Variants in RELA observed in about 807,000 individuals in gnomAD.
The protein encoded by RELA is transcription factor p65.
In RELA, 14 loss-of-function variants were observed where a neutral mutation model predicts 56.7. That is an observed-to-expected ratio of 0.25 (90% CI 0.16 to 0.39). The LOEUF is 0.39. Among genes scored for constraint, RELA ranks in the 10% least tolerant of loss-of-function variants. The pLI, the probability that RELA is intolerant of heterozygous loss-of-function variation, is 1.00. For synonymous variants in RELA, 315 were observed against 289.7 expected (o/e 1.09, Z -0.89); for missense variants, 559 against 736.4 (o/e 0.76, Z 2.79).
At chr11:65,663,571 G>A (rs1856626442), upstream of RELA, among the ~76,000 whole-genome samples, 2 of 152,204 alleles carry the variant, frequency 1.3e-5, no homozygotes, top group Non-Finnish European at 2.9e-5. Flanking sequence ...CAGCTAAAGC[G>A]CCAGCTTACG....
intron 10 of RELA, 41 bp from the exon 11 acceptor site, chr11:65,655,041 C>CT: frequency 6.7e-7 from 1 of 1,503,520 alleles, no homozygotes; most frequent in Non-Finnish European, 9.1e-7. Flanking sequence ...AGAGAAAGCC[C>CT]TAGAGATCCA....
At chr11:65,655,242 G>C in intron 10 of RELA, 1 of 580,672 alleles carries the variant, frequency 1.7e-6, no homozygotes, top group Non-Finnish European at 3.0e-6. Context: ...CAGCCTTTTA[G>C]AGGAAGGGAC....
rs1164305465 is a variant in RELA, at chr11:65,658,369, A to G, written c.795T>C (p.Pro265=). The G allele has an allele frequency of 1.2e-6, 2 of 1,613,822 alleles. No individual in the cohort carries two copies. Among genetic ancestry groups the G allele is most frequent in the Admixed American group, 1.7e-5 (1 of 59,986 alleles). Residue 265 remains proline, a synonymous_variant, in exon 8 of 11, where the codon CCT becomes CCC. Coordinates refer to ENST00000406246, the MANE Select transcript of RELA (RefSeq NM_021975.4). This position sits in a 1 kb window ranked among gnomAD's most constrained non-coding sequence, Gnocchi z 4.5. ...GCCGCAGCTGCATGGAGACACGCAC[A>G]GGAGCCTGCAGGCTGGGGTCTGCGT... is the stretch of plus-strand genomic sequence containing the variant. The part of the protein sequence containing the change: ...PPYADPSLQA[P]VRVSMQLRRP...
chr11:65,662,155 C>G (rs759349836), intron 2 of RELA, 24 bp downstream of exon 2: 2 of 1,588,592 alleles, frequency 1.3e-6, no homozygotes, highest in East Asian at 2.2e-5. Flanking sequence ...GAGCACCTCC[C>G]CGACCGCCGC....
At position 65,658,542 on chromosome 11, in the gene RELA, C is replaced by T. The variant is rs942024239; in HGVS notation, c.665-43G>A. ...GCAGTGTGGGTCAGTGTGTCTAACC[C>T]TCCATGGTCTCCCCCTCAACTTCTG... On this transcript the variant is annotated intron_variant, in intron 7 of 10. Coordinates refer to ENST00000406246, the MANE Select transcript of RELA (RefSeq NM_021975.4). The surrounding 1 kb of genome is among the most constrained non-coding windows in gnomAD (Gnocchi z 4.5). 2 of 1,507,808 alleles carry T rather than the reference C, an allele frequency of 1.3e-6. No homozygotes were observed. Among genetic ancestry groups the T allele is most frequent in the African/African-American group, 1.4e-5 (1 of 72,876 alleles). The allele number at this position is 1,507,808 out of a possible 1,614,324, so 93.4% of individuals were successfully genotyped here. A position where few individuals can be genotyped will look rare whatever the true frequency, so the allele number is the denominator to read the frequency against.
In RELA at chr11:65,658,806, G is replaced by C. The variant is rs559353292; in HGVS notation, c.576C>G (p.Ala192=). 5.6e-6 allele frequency: 9 copies of C among 1,613,938 alleles called. No individual in the cohort carries two copies. Among genetic ancestry groups the C allele is most frequent in the Non-Finnish European group, 6.8e-6 (8 of 1,179,954 alleles). The change falls in exon 7 of 11, where the codon GCC becomes GCG. Residue 192 remains alanine, a synonymous_variant. Coordinates refer to ENST00000406246, the MANE Select transcript of RELA (RefSeq NM_021975.4). The surrounding 1 kb of genome is among the most constrained non-coding windows in gnomAD (Gnocchi z 4.5). ...PIFDNRAPNT[A]ELKICRVNRN... ...GGTTCACTCGGCAGATCTTGAGCTC[G>C]GCAGTGTTGGGGGCACCTGAGGCAG...
intron 4 of RELA, among the ~76,000 whole-genome samples, chr11:65,661,086 G>A (rs1037586784): frequency 6.7e-6 from 1 of 148,268 alleles, no homozygotes; most frequent in South Asian, 2.1e-4. Flanking sequence ...TGCCACCCAA[G>A]TGCAGTGGTG....
upstream of RELA, among the ~76,000 whole-genome samples, chr11:65,663,717 G>A (rs949323996): frequency 6.6e-6 from 1 of 152,122 alleles, no homozygotes; most frequent in African/African-American, 2.4e-5. Flanking sequence ...GAATCAGCAG[G>A]CTCACGACCC....
chr11:65,656,040 C>T (rs1856419443), intron 8 of RELA, 105 bp from the exon 9 acceptor site: 2 of 891,250 alleles, frequency 2.2e-6, no homozygotes, highest in Non-Finnish European at 1.8e-6. Context: ...TTTCCCAAGA[C>T]CCATTCTCCC....
chr11:65,662,796 C>G (rs1856607855), intron 1 of RELA, 30 bp downstream of exon 1: 8 of 1,198,270 alleles, frequency 6.7e-6, no homozygotes. Flanking sequence ...CCCGGCGATG[C>G]CACCCCGCGG....
chr11:65,662,977 C>T (rs956484722), upstream of RELA: 14 of 562,768 alleles, frequency 2.5e-5, no homozygotes, highest in Admixed American at 1.5e-4. Flanking sequence ...CGCGCTGCCC[C>T]GCCGCCGCCC....
Position 65,658,240 on chromosome 11 carries a change from A to G in RELA, c.877+47T>C. ...GACATGCAGTCTTGGCCTCTCTCTC[A>G]CGGCACAGAGCCCAGCTGCCCTGAT... is the stretch of plus-strand genomic sequence containing the variant. On this transcript the variant is annotated intron_variant, in intron 8 of 10. Transcript: ENST00000406246. The surrounding 1 kb of genome is among the most constrained non-coding windows in gnomAD (Gnocchi z 4.5). 7.0e-7 allele frequency: 1 copy of G among 1,433,360 alleles called. No individual in the cohort carries two copies. The highest frequency in any genetic ancestry group is 1.3e-5 in the South Asian group (1 of 79,052). The allele number at this position is 1,433,360 out of a possible 1,614,324, so 88.8% of individuals were successfully genotyped here. A position where few individuals can be genotyped will look rare whatever the true frequency, so the allele number is the denominator to read the frequency against.
intron 10 of RELA, chr11:65,655,472 G>T: frequency 1.7e-6 from 1 of 593,500 alleles, no homozygotes; most frequent in South Asian, 2.1e-5. Flanking sequence ...TTTAACTTCT[G>T]ATTCCCAAGA....
In RELA at chr11:65,662,209, A is replaced by G. The variant is rs1005558774; in HGVS notation, c.8-4T>C. 1 of 1,569,874 alleles carries G rather than the reference A, an allele frequency of 6.4e-7. No individual in the cohort carries two copies. Among genetic ancestry groups the G allele is most frequent in the Non-Finnish European group, 8.6e-7 (1 of 1,163,574 alleles). On this transcript the variant is annotated splice_polypyrimidine_tract_variant and splice_region_variant and intron_variant, in intron 1 of 10. Coordinates refer to ENST00000406246, the MANE Select transcript of RELA (RefSeq NM_021975.4). ...GGGAAGATGAGGGGGAACAGTTCTG[A>G]AAGGGGAGGGAGATCAGGGTCAGCA...
intron 6 of RELA, 134 bp downstream of exon 6, chr11:65,659,532 G>T: frequency 8.5e-7 from 1 of 1,171,322 alleles, no homozygotes; most frequent in Non-Finnish European, 1.2e-6. Context: ...AAAGAGCTGG[G>T]CAGAGAAGAG....
Position 65,654,114 on chromosome 11 carries a change from G to A in RELA, c.*264C>T. On this transcript the variant is annotated 3_prime_UTR_variant, in exon 11 of 11. Coordinates refer to ENST00000406246, the MANE Select transcript of RELA (RefSeq NM_021975.4). ...CCCAGAGTTCCCTACAGAGAAGGGAGCTGACCATCAGGACAGGGGAAAAGT... is the reference window on the plus strand; with the variant it reads ...CCCAGAGTTCCCTACAGAGAAGGGAACTGACCATCAGGACAGGGGAAAAGT... The A allele has an allele frequency of 1.9e-6, 1 of 519,036 alleles. No homozygotes were observed. Among genetic ancestry groups the A allele is most frequent in the Non-Finnish European group, 3.5e-6 (1 of 285,278 alleles). The allele number at this position is 519,036 out of a possible 1,614,324, so 32.2% of individuals were successfully genotyped here.
Position 65,654,789 on chromosome 11 carries a change from T to C in RELA, c.1245A>G (p.Pro415=). 2 of 1,513,768 alleles carry C rather than the reference T, an allele frequency of 1.3e-6. No individual in the cohort carries two copies. The highest frequency in any genetic ancestry group is 1.8e-6 in the Non-Finnish European group (2 of 1,128,936). The allele number at this position is 1,513,768 out of a possible 1,614,324, so 93.8% of individuals were successfully genotyped here. A position where few individuals can be genotyped will look rare whatever the true frequency, so the allele number is the denominator to read the frequency against. The part of the protein sequence containing the change: ...QAPAPVPVLA[P]GPPQAVAPPA... ...GTGGGGCCACAGCCTGAGGAGGGCC[T>C]GGGGCTAGGACTGGGACAGGGGCTG... The change falls in exon 11 of 11, where the codon CCA becomes CCG. Residue 415 remains proline (P), a synonymous_variant. Coordinates refer to ENST00000406246, the MANE Select transcript of RELA (RefSeq NM_021975.4).
At chr11:65,662,300 T>A in intron 1 of RELA, 95 bp from the exon 2 acceptor site, 2 of 1,396,082 alleles carry the variant, frequency 1.4e-6, no homozygotes, top group Non-Finnish European at 1.9e-6. Flanking sequence ...CCAGGCTCCC[T>A]CCCAGGGGAA....
intron 10 of RELA, chr11:65,655,207 A>G (rs771672497): frequency 1.7e-6 from 1 of 593,210 alleles, no homozygotes; most frequent in Admixed American, 3.2e-5. Flanking sequence ...GTCCTCCCTG[A>G]CTACTCAAGC....
Sources: gnomAD v4.1 joint callset for allele counts (sites outside exome capture counted in the v4.1 genomes callset) on GRCh38, gnomAD v4.1.1 for gene constraint, Gnocchi (gnomAD v3.1) non-coding constraint, MANE v1.5 for transcripts, NCBI Gene and HGNC (gene_info 2026-07-23, HGNC 2026-07-21) for gene names.